Variants in CNTNAP2 observed in about 807,000 individuals in gnomAD.
CNTNAP2 encodes the protein contactin associated protein 2.
CNTNAP2 carries 98 observed loss-of-function variants against 155.2 expected under a neutral mutation model. The observed-to-expected ratio is 0.63, with a 90% CI of 0.54 to 0.75. CNTNAP2 has a LOEUF of 0.75. CNTNAP2 is among the 30% of genes least tolerant of loss of function. CNTNAP2 has a pLI of 0.00. For synonymous variants in CNTNAP2, 651 were observed against 631.2 expected (o/e 1.03, Z -0.47); for missense variants, 1,727 against 1,688.1 (o/e 1.02, Z -0.40).
intron 3 of CNTNAP2, among the ~76,000 whole-genome samples, chr7:146,931,280 A>T (rs971539001): frequency 6.6e-6 from 1 of 152,066 alleles, no homozygotes; most frequent in Non-Finnish European, 1.5e-5. Flanking sequence ...GGATTAAGAA[A>T]CTCACTCAAA....
chr7:146,159,143 C>T (rs1306387276), intron 1 of CNTNAP2, among the ~76,000 whole-genome samples: 1 of 152,100 alleles, frequency 6.6e-6, no homozygotes, highest in Non-Finnish European at 1.5e-5. Context: ...CCAAACTAAG[C>T]TTCATAAGTG....
At chr7:148,112,474 G>A (rs1399775563) in intron 15 of CNTNAP2, among the ~76,000 whole-genome samples, 1 of 151,524 alleles carries the variant, frequency 6.6e-6, no homozygotes, top group Non-Finnish European at 1.5e-5. Context: ...AGGTTGAAAT[G>A]CAGTGACATG....
rs997210696 is a variant in CNTNAP2 at position 148,415,896 on chromosome 7, T to C, written c.*280T>C. The C allele has an allele frequency of 1.0e-4, 53 of 532,254 alleles. No homozygotes were observed. The highest frequency in any genetic ancestry group is 1.5e-4 in the Non-Finnish European group (45 of 299,360). The allele number at this position is 532,254 out of a possible 1,614,324, so 33.0% of individuals were successfully genotyped here. A position where few individuals can be genotyped will look rare whatever the true frequency, so the allele number is the denominator to read the frequency against. On this transcript the variant is annotated 3_prime_UTR_variant, in exon 24 of 24. Coordinates refer to ENST00000361727, the MANE Select transcript of CNTNAP2 (RefSeq NM_014141.6). ...AGCAATGGTTGAAATTTGTAGGTAC[T>C]ATCTGTCTTATTTTGTGTGTGTTTA...
At chr7:148,338,864 G>T (rs1798170818) in intron 21 of CNTNAP2, among the ~76,000 whole-genome samples, 1 of 152,230 alleles carries the variant, frequency 6.6e-6, no homozygotes, top group Admixed American at 6.5e-5. Flanking sequence ...GGAGGTGGAA[G>T]AAGAAAAAAC....
intron 15 of CNTNAP2, among the ~76,000 whole-genome samples, chr7:148,010,377 C>A (rs1802055770): frequency 6.6e-6 from 1 of 151,746 alleles, no homozygotes; most frequent in East Asian, 1.9e-4. Context: ...TAGTAGAATT[C>A]ATCCATTTTC....
At chr7:146,346,403 T>A (rs1794819655) in intron 1 of CNTNAP2, among the ~76,000 whole-genome samples, 1 of 152,134 alleles carries the variant, frequency 6.6e-6, no homozygotes, top group African/African-American at 2.4e-5. Flanking sequence ...TGTAACTGGC[T>A]GGGTGCCATG....
intron 13 of CNTNAP2, among the ~76,000 whole-genome samples, chr7:147,886,138 C>T (rs905250561): frequency 6.6e-6 from 1 of 152,136 alleles, no homozygotes; most frequent in Non-Finnish European, 1.5e-5. Context: ...CTGTCCCATG[C>T]TCAGGCATCA....
Position 147,895,751 on chromosome 7 carries a change from A to G in CNTNAP2, c.2099-7814A>G, listed in dbSNP as rs1799765660. ...GTAAAGCTAAAAGTAGCATTTCATT[A>G]GCATAGCACTGGAATAAGGGAATTC... On this transcript the variant is annotated intron_variant, in intron 13 of 23. Transcript: ENST00000361727. Among the ~76,000 whole-genome samples the G allele has an allele frequency of 4.6e-5, 7 of 152,376 alleles. No individual in the cohort carries two copies. The South Asian group carries it at 1.4e-3, about 32-fold the overall frequency.
At chr7:147,298,178 C>T (rs1021611407) in intron 8 of CNTNAP2, among the ~76,000 whole-genome samples, 5 of 152,088 alleles carry the variant, frequency 3.3e-5, no homozygotes, top group African/African-American at 4.8e-5. Flanking sequence ...CCTGTAATCC[C>T]AGCACTTTGG....
At chr7:147,760,855 A>C (rs1264777909) in intron 13 of CNTNAP2, among the ~76,000 whole-genome samples, 2 of 152,210 alleles carry the variant, frequency 1.3e-5, no homozygotes, top group African/African-American at 4.8e-5. Flanking sequence ...TGACCTCTTT[A>C]TAAAGACCTA....
At chr7:147,244,989 G>T (rs1469605461) in intron 8 of CNTNAP2, among the ~76,000 whole-genome samples, 1 of 152,024 alleles carries the variant, frequency 6.6e-6, no homozygotes, top group Non-Finnish European at 1.5e-5. Flanking sequence ...TTATTATATG[G>T]CCACAAAAGG....
At chr7:147,505,345 C>T (rs770263881) in intron 11 of CNTNAP2, among the ~76,000 whole-genome samples, 8 of 145,932 alleles carry the variant, frequency 5.5e-5, no homozygotes, top group Non-Finnish European at 1.2e-4. Context: ...TATAAAAGAC[C>T]TTCAAACAAT....
chr7:147,454,456 G>A (rs1797886715), intron 10 of CNTNAP2, among the ~76,000 whole-genome samples: 1 of 151,972 alleles, frequency 6.6e-6, no homozygotes, highest in Non-Finnish European at 1.5e-5. Flanking sequence ...ATTACAGTTT[G>A]GGATATATAT....
At chr7:147,138,099 T>C (rs1223518556) in intron 8 of CNTNAP2, among the ~76,000 whole-genome samples, 1 of 151,926 alleles carries the variant, frequency 6.6e-6, no homozygotes, top group African/African-American at 2.4e-5. Context: ...TAGATTTTTG[T>C]ACCTTTTGAT....
intron 3 of CNTNAP2, among the ~76,000 whole-genome samples, chr7:146,857,642 TGGGAGGGGCAATGA>T (rs1194727895): frequency 6.6e-6 from 1 of 152,032 alleles, no homozygotes; most frequent in Non-Finnish European, 1.5e-5. Context: ...TGAGAAACAA[TGGGAGGGGCAATGA>T]GGGACGAGAG....
At chr7:146,564,366 A>G (rs1798325144) in intron 1 of CNTNAP2, among the ~76,000 whole-genome samples, 1 of 151,972 alleles carries the variant, frequency 6.6e-6, no homozygotes, top group South Asian at 2.1e-4. Flanking sequence ...TTATTTCCTT[A>G]TCTGTATCTA....
rs79186859 is a variant in CNTNAP2 at position 146,470,504 on chromosome 7, A to C, written c.98-303767A>C. ...CCAGATATTGCCTCTTCTTTCCTGA[A>C]TGAATCTTTCTAATTTTTCTTGGTT... On this transcript the variant is annotated intron_variant, in intron 1 of 23. Transcript: ENST00000361727. 2.9e-3 allele frequency among the ~76,000 whole-genome samples: 440 copies of C among 152,124 alleles called. 3 individuals carry two copies. The highest frequency in any genetic ancestry group is 7.3e-3 in the South Asian group (35 of 4,818).
rs541727149 is a variant in CNTNAP2 at position 146,802,064 on chromosome 7, G to C, written c.208+27683G>C. Among the ~76,000 whole-genome samples, 25 of 152,258 alleles carry C rather than the reference G, an allele frequency of 1.6e-4. No homozygotes were observed. The South Asian group carries it at 5.0e-3, about 30-fold the overall frequency. ...GAATGAATTATATTTGTTTTCTGTT[G>C]CTGGATAAAAAATTACCATAAATTC... is the stretch of plus-strand genomic sequence containing the variant. On this transcript the variant is annotated intron_variant, in intron 2 of 23. Transcript: ENST00000361727.
intron 10 of CNTNAP2, among the ~76,000 whole-genome samples, chr7:147,464,468 A>C (rs1156813936): frequency 1.3e-5 from 2 of 148,554 alleles, no homozygotes; most frequent in African/African-American, 4.9e-5. Flanking sequence ...CTCCATCTAA[A>C]AAAAAAAAAA....
Sources: allele counts gnomAD v4.1 joint callset (sites outside exome capture counted in the v4.1 genomes callset), GRCh38; gene constraint gnomAD v4.1.1; transcripts MANE v1.5; gene names NCBI Gene and HGNC (gene_info 2026-07-23, HGNC 2026-07-21).